DENND5B: variants seen among roughly 807,000 people sequenced by gnomAD.
The protein encoded by DENND5B is DENN domain-containing protein 5B.
In DENND5B, 34 loss-of-function variants were observed where a neutral mutation model predicts 140.6. The ratio of observed to expected loss-of-function variants is 0.24; its 90% CI spans 0.18 to 0.32. The LOEUF (loss-of-function observed/expected upper bound fraction) is 0.32, where lower values mean the gene tolerates loss of function less well. Among genes scored for constraint, DENND5B ranks in the 10% least tolerant of loss-of-function variants. The pLI is 1.00. For synonymous variants in DENND5B, 551 were observed against 562.1 expected (o/e 0.98, Z 0.28); for missense variants, 1,142 against 1,560.2 (o/e 0.73, Z 4.52).
intron 2 of DENND5B, among the ~76,000 whole-genome samples, chr12:31,490,751 A>C (rs1477170248): frequency 1.3e-5 from 2 of 152,234 alleles, no homozygotes; most frequent in Non-Finnish European, 2.9e-5. Flanking sequence ...GTCTACAAAA[A>C]GTATATATAG....
At chr12:31,468,791 G>A (rs879571162) in intron 3 of DENND5B, among the ~76,000 whole-genome samples, 4 of 150,694 alleles carry the variant, frequency 2.7e-5, no homozygotes, top group Non-Finnish European at 5.9e-5. Context: ...CAGGATGAGC[G>A]ACAGGGTGAG....
chr12:31,581,135 ATATT>A (rs1428659749), intron 1 of DENND5B, among the ~76,000 whole-genome samples: 4 of 152,090 alleles, frequency 2.6e-5, no homozygotes, highest in Non-Finnish European at 5.9e-5. Flanking sequence ...AATAAATGTA[ATATT>A]TATTTGTTAT....
Position 31,384,833 on chromosome 12 carries a change from C to T in DENND5B, c.*2770G>A, listed in dbSNP as rs888125660. The T allele has an allele frequency of 1.1e-4, 17 of 151,392 alleles. No homozygotes were observed. Among genetic ancestry groups the T allele is most frequent in the African/African-American group, 3.4e-4 (14 of 41,264 alleles). 9.4% of individuals were successfully genotyped at this position (151,392 alleles called of 1,614,324 possible). Reference sequence around the variant, plus strand: ...CCAGGTTGGAGTGCAGTGGCACAATCTCGGCTCACTGCAACCTCCACCTCC... The same window carrying T: ...CCAGGTTGGAGTGCAGTGGCACAATTTCGGCTCACTGCAACCTCCACCTCC... On this transcript the variant is annotated 3_prime_UTR_variant, in exon 21 of 21. Transcript: ENST00000389082.
intron 1 of DENND5B, among the ~76,000 whole-genome samples, chr12:31,550,633 T>C (rs1185987195): frequency 6.6e-6 from 1 of 152,132 alleles, no homozygotes; most frequent in African/African-American, 2.4e-5. Flanking sequence ...CCCTGAGGAA[T>C]TGCCACACTG....
At chr12:31,506,235 G>C (rs76260542) in intron 1 of DENND5B, 2 of 151,886 alleles carry the variant, frequency 1.3e-5, no homozygotes, top group African/African-American at 2.4e-5. Flanking sequence ...CAAAATTAAA[G>C]AGCCATGTTA....
chr12:31,527,280 A>G (rs1948117551), intron 1 of DENND5B, among the ~76,000 whole-genome samples: 1 of 152,144 alleles, frequency 6.6e-6, no homozygotes, highest in African/African-American at 2.4e-5. Flanking sequence ...CTTTCCAGGC[A>G]ACCAGAACAG....
chr12:31,530,095 G>A (rs1048973770), intron 1 of DENND5B, among the ~76,000 whole-genome samples: 4 of 152,236 alleles, frequency 2.6e-5, no homozygotes, highest in South Asian at 4.1e-4. Flanking sequence ...ACATGCAGCC[G>A]GGCGCGGTGG....
chr12:31,535,767 C>G (rs530299213), intron 1 of DENND5B, among the ~76,000 whole-genome samples: 1 of 152,308 alleles, frequency 6.6e-6, no homozygotes, highest in African/African-American at 2.4e-5. Flanking sequence ...GTATCAAGAC[C>G]ATCCAGGAAA....
intron 3 of DENND5B, 59 bp downstream of exon 3, chr12:31,479,530 C>A: frequency 1.4e-6 from 2 of 1,397,854 alleles, no homozygotes; most frequent in East Asian, 5.0e-5. Context: ...CATGGAAACA[C>A]AGTAGTTGGG....
At chr12:31,448,142 T>C (rs1026462318) in intron 5 of DENND5B, among the ~76,000 whole-genome samples, 1 of 152,094 alleles carries the variant, frequency 6.6e-6, no homozygotes, top group Non-Finnish European at 1.5e-5. Flanking sequence ...TTCGTTTTTT[T>C]TTTTTCTTTG....
intron 2 of DENND5B, among the ~76,000 whole-genome samples, chr12:31,490,065 T>A (rs558119436): frequency 1.3e-5 from 2 of 151,966 alleles, no homozygotes; most frequent in African/African-American, 2.4e-5. Context: ...TGGGAGAGGG[T>A]GAGTAAGTGA....
chr12:31,413,526 C>T lies in DENND5B; in HGVS notation c.2591G>A (p.Gly864Glu). The stretch of plus-strand genomic sequence containing the variant: ...CAGTCTTATCCACGCCCGAGCTCGT[C>T]CAACATCAGTCTTGATCTCACTCAT... ...QNMSEIKTDV[G>E]RARAWIRLSL... Residue 864 changes from glycine (G) to glutamate (E), a missense_variant, in exon 13 of 21, where the codon GGA (glycine) becomes GAA (glutamate). Physicochemically the swap from Gly to Glu is moderately conservative, Grantham distance 98. Transcript: ENST00000389082. 1 of 1,613,776 alleles carries T rather than the reference C, an allele frequency of 6.2e-7. No homozygotes were observed. The highest frequency in any genetic ancestry group is 8.5e-7 in the Non-Finnish European group (1 of 1,179,782).
chr12:31,426,229 T>C (rs996282592), intron 9 of DENND5B, 64 bp downstream of exon 9: 3 of 1,519,336 alleles, frequency 2.0e-6, no homozygotes, highest in South Asian at 1.3e-5. Context: ...ACTCAGTTCA[T>C]CTTAGCCTCA....
Position 31,398,188 on chromosome 12 carries a change from T to C in DENND5B, c.3243A>G (p.Thr1081=), listed in dbSNP as rs1941588292. 1 of 1,597,046 alleles carries C rather than the reference T, an allele frequency of 6.3e-7. No homozygotes were observed. Among genetic ancestry groups the C allele is most frequent in the African/African-American group, 1.3e-5 (1 of 74,632 alleles). The stretch of plus-strand genomic sequence containing the variant: ...AAATAAATTTACTGTTGTTTTTTCC[T>C]GTCAGTGAAGTGATGCTCAATCTCC... ...TARRLSITSL[T]GKNNKPNAGQ... Residue 1081 remains threonine (T), a synonymous_variant, in exon 17 of 21, where the codon ACA becomes ACG. Coordinates refer to ENST00000389082, the MANE Select transcript of DENND5B (RefSeq NM_144973.4).
intron 3 of DENND5B, among the ~76,000 whole-genome samples, chr12:31,474,032 G>C (rs568054994): frequency 6.6e-6 from 1 of 152,308 alleles, no homozygotes; most frequent in South Asian, 2.1e-4. Flanking sequence ...ATGTCCACTT[G>C]AGCATGCCTA....
chr12:31,524,039 C>T (rs1294889066), intron 1 of DENND5B, among the ~76,000 whole-genome samples: 1 of 144,800 alleles, frequency 6.9e-6, no homozygotes, highest in Non-Finnish European at 1.5e-5. Flanking sequence ...AACTACTGAG[C>T]CCTTTTTTTT....
intron 3 of DENND5B, among the ~76,000 whole-genome samples, chr12:31,464,612 G>A (rs538266936): frequency 1.3e-5 from 2 of 152,208 alleles, no homozygotes; most frequent in East Asian, 1.9e-4. Context: ...CCAGGCTGGA[G>A]TGCAGTGGTG....
chr12:31,426,383 C>A lies in DENND5B; in HGVS notation c.2148G>T (p.Arg716Ser). Reference protein sequence around the residue: ...QEARSLGKNLRQPKLSDLSPA... With the variant: ...QEARSLGKNLSQPKLSDLSPA... ...GAGAGAGGTCTGACAGTTTGGGTTG[C>A]CTCAGGTTTTTTCCTAAACTTCGTG... The change falls in exon 9 of 21, where the codon AGG becomes AGT. Residue 716 changes from arginine to serine, a missense_variant. Physicochemically the swap from Arg to Ser is moderately radical, Grantham distance 110. Around this residue, in one of 5 missense-constraint regions of DENND5B, gnomAD observed 708 missense variants for 905.5 expected, o/e 0.78. Coordinates refer to ENST00000389082, the MANE Select transcript of DENND5B (RefSeq NM_144973.4). The A allele has an allele frequency of 6.2e-7, 1 of 1,612,376 alleles. No homozygotes were observed. Among genetic ancestry groups the A allele is most frequent in the African/African-American group, 1.3e-5 (1 of 75,006 alleles).
chr12:31,419,447 CA>C (rs71444401), intron 11 of DENND5B, among the ~76,000 whole-genome samples: 325 of 131,228 alleles, frequency 2.5e-3, no homozygotes, highest in Middle Eastern at 4.0e-3. Flanking sequence ...ACTCCATCTC[CA>C]AAAAAAAAAA....
Sources: gnomAD v4.1 joint callset for allele counts (sites outside exome capture counted in the v4.1 genomes callset) on GRCh38, gnomAD v4.1.1 for gene constraint, gnomAD v4.1.1 regional missense constraint, MANE v1.5 for transcripts, NCBI Gene and HGNC (gene_info 2026-07-23, HGNC 2026-07-21) for gene names.